WDTC1: variants seen among roughly 807,000 people sequenced by gnomAD.
The protein encoded by WDTC1 is WD and tetratricopeptide repeats 1, also known as WD and tetratricopeptide repeats protein 1.
A neutral mutation model predicts 76.0 loss-of-function variants in WDTC1; 12 were observed. The ratio of observed to expected loss-of-function variants is 0.16; its 90% CI spans 0.10 to 0.26. WDTC1 has a LOEUF of 0.26. Among genes scored for constraint, WDTC1 ranks in the 10% least tolerant of loss-of-function variants. The pLI is 1.00. For synonymous variants in WDTC1, 326 were observed against 350.8 expected (o/e 0.93, Z 0.79); for missense variants, 511 against 908.8 (o/e 0.56, Z 5.63).
upstream of WDTC1, chr1:27,234,496 T>A (rs941615543): frequency 3.0e-6 from 1 of 330,196 alleles, no homozygotes; most frequent in African/African-American, 2.1e-5. Context: ...GCAGCAGACG[T>A]TGACCGGGCG....
At chr1:27,284,596 T>A (rs750959792) in intron 5 of WDTC1, among the ~76,000 whole-genome samples, 45 of 152,270 alleles carry the variant, frequency 3.0e-4, no homozygotes, top group Non-Finnish European at 5.3e-4. Context: ...TTAGGTCCAA[T>A]TTTAGTCTGC....
In WDTC1 at chr1:27,287,931, C is replaced by T. The variant is rs1311395700; in HGVS notation, c.479+70C>T. The T allele has an allele frequency of 7.2e-6, 11 of 1,523,630 alleles. 1 individual carries two copies. In the Admixed American group the frequency reaches 1.4e-4, roughly 19 times the overall value. 94.4% of individuals were successfully genotyped at this position (1,523,630 alleles called of 1,614,324 possible). On this transcript the variant is annotated intron_variant, in intron 6 of 15. Coordinates refer to ENST00000319394, the MANE Select transcript of WDTC1 (RefSeq NM_001276252.2). ...CATCATCCTATAGTGTTTCCTTCTA[C>T]AGACCTAGCTCTTTCCCTCCAGCAG...
At chr1:27,295,851 G>A (rs149987803) in intron 9 of WDTC1, among the ~76,000 whole-genome samples, 5 of 151,914 alleles carry the variant, frequency 3.3e-5, no homozygotes, top group Non-Finnish European at 7.4e-5. Context: ...CTGCAGCCTC[G>A]ACATCCCAGG....
At chr1:27,269,835 C>T (rs1210267719) in intron 3 of WDTC1, among the ~76,000 whole-genome samples, 3 of 151,838 alleles carry the variant, frequency 2.0e-5, no homozygotes, top group South Asian at 2.1e-4. Context: ...TGGTCTTGAA[C>T]GCCTGACCTT....
In WDTC1 at chr1:27,305,852, G is replaced by C. The variant is rs1479838843; in HGVS notation, c.1837-334G>C. ...TGTGGCAACAAAACAGAATGGGGTG[G>C]GGAAGTTGTATCTGCCCCTTGTCCC... On this transcript the variant is annotated intron_variant, in intron 15 of 15. Coordinates refer to ENST00000319394, the MANE Select transcript of WDTC1 (RefSeq NM_001276252.2). This position sits in a 1 kb window ranked among gnomAD's most constrained non-coding sequence, Gnocchi z 4.6. Among the ~76,000 whole-genome samples the C allele has an allele frequency of 6.6e-6, 1 of 152,104 alleles. No individual in the cohort carries two copies. The highest frequency in any genetic ancestry group is 1.5e-5 in the Non-Finnish European group (1 of 68,014).
At chr1:27,264,453 A>T (rs1446112457) in intron 3 of WDTC1, among the ~76,000 whole-genome samples, 1 of 143,926 alleles carries the variant, frequency 6.9e-6, no homozygotes, top group Non-Finnish European at 1.5e-5. Context: ...TAAAATGTTT[A>T]AAAAAAAAAA....
chr1:27,297,139 G>A lies in WDTC1; in HGVS notation c.1041G>A (p.Glu347=). The change falls in exon 11 of 16, where the codon GAG becomes GAA. Residue 347 remains glutamate (E), a synonymous_variant. Coordinates refer to ENST00000319394, the MANE Select transcript of WDTC1 (RefSeq NM_001276252.2). ...HLHSNGFRLP[E]SRGHVSPQVE... ...ATAGCAATGGCTTCCGGCTGCCGGA[G>A]AGTAGGGGACATGTCAGGTGAGGCC... 1 of 1,609,960 alleles carries A rather than the reference G, an allele frequency of 6.2e-7. No individual in the cohort carries two copies. Among genetic ancestry groups the A allele is most frequent in the South Asian group, 1.1e-5 (1 of 90,700 alleles).
In WDTC1 at chr1:27,307,598, TCTCC is replaced by T. The variant is rs1265536568; in HGVS notation, c.*1220_*1223del. The T allele has an allele frequency of 6.6e-6, 1 of 152,384 alleles. No individual in the cohort carries two copies. The highest frequency in any genetic ancestry group is 2.4e-5 in the African/African-American group (1 of 41,212). The allele number at this position is 152,384 out of a possible 1,614,324, so 9.4% of individuals were successfully genotyped here. A position where few individuals can be genotyped will look rare whatever the true frequency, so the allele number is the denominator to read the frequency against. ...TGGGGAAAAGCAGCCTCCCTTCTCC[TCTCC>T]CTCCACTCCCTCGCTCCCTCCCTCA... On this transcript the variant is annotated 3_prime_UTR_variant, in exon 16 of 16. Coordinates refer to ENST00000319394, the MANE Select transcript of WDTC1 (RefSeq NM_001276252.2). The surrounding 1 kb of genome is among the most constrained non-coding windows in gnomAD (Gnocchi z 4.1).
Position 27,274,569 on chromosome 1 carries a change from A to G in WDTC1, c.133-7670A>G, listed in dbSNP as rs891435961. Among the ~76,000 whole-genome samples the G allele has an allele frequency of 1.3e-5, 2 of 152,224 alleles. No individual in the cohort carries two copies. Among genetic ancestry groups the G allele is most frequent in the African/African-American group, 2.4e-5 (1 of 41,464 alleles). ...TAAACAATTTAAATTTAAATTAATG[A>G]GGATTAATTTAAGCCGTTCTAGTAT... On this transcript the variant is annotated intron_variant, in intron 3 of 15. Transcript: ENST00000319394. This position sits in a 1 kb window ranked among gnomAD's most constrained non-coding sequence, Gnocchi z 4.2.
Position 27,274,645 on chromosome 1 carries a change from C to G in WDTC1, c.133-7594C>G, listed in dbSNP as rs1301294418. ...TCCTTGGACATTTTTGCTGAGCATT[C>G]CACATCCCTCTTTAGTTACATGTGC... is the stretch of plus-strand genomic sequence containing the variant. On this transcript the variant is annotated intron_variant, in intron 3 of 15. Coordinates refer to ENST00000319394, the MANE Select transcript of WDTC1 (RefSeq NM_001276252.2). The surrounding 1 kb of genome is among the most constrained non-coding windows in gnomAD (Gnocchi z 4.2). 1.3e-5 allele frequency among the ~76,000 whole-genome samples: 2 copies of G among 152,186 alleles called. No individual in the cohort carries two copies. The highest frequency in any genetic ancestry group is 4.8e-5 in the African/African-American group (2 of 41,440).
At chr1:27,287,530 G>T in intron 5 of WDTC1, 144 bp from the exon 6 acceptor site, 2 of 878,484 alleles carry the variant, frequency 2.3e-6, no homozygotes, top group Non-Finnish European at 3.4e-6. Context: ...GGGATTACAG[G>T]CATGAGCCAC....
At chr1:27,253,748 T>C (rs2012179283) in intron 1 of WDTC1, among the ~76,000 whole-genome samples, 1 of 152,152 alleles carries the variant, frequency 6.6e-6, no homozygotes, top group South Asian at 2.1e-4. Flanking sequence ...TTTTGCCTCT[T>C]AGCAGAACTG....
intron 1 of WDTC1, among the ~76,000 whole-genome samples, chr1:27,257,307 G>A (rs892891177): frequency 1.3e-5 from 2 of 152,192 alleles, no homozygotes; most frequent in East Asian, 3.8e-4. Flanking sequence ...TGAAGCGTAC[G>A]TAACCCCGTC....
At chr1:27,241,962 GCTCACTGCAGC>G (rs1405380820) in intron 1 of WDTC1, among the ~76,000 whole-genome samples, 1 of 151,656 alleles carries the variant, frequency 6.6e-6, no homozygotes, top group East Asian at 1.9e-4. Context: ...TGCAATCTTG[GCTCACTGCAGC>G]CTCAGGCTCC....
chr1:27,296,054 C>A (rs1250101551), intron 9 of WDTC1, among the ~76,000 whole-genome samples: 3 of 152,180 alleles, frequency 2.0e-5, no homozygotes, highest in African/African-American at 7.2e-5. Flanking sequence ...CAGGCTACGC[C>A]ACCATGCCCA....
chr1:27,248,866 C>G (rs2011940951), intron 1 of WDTC1, among the ~76,000 whole-genome samples: 1 of 151,904 alleles, frequency 6.6e-6, no homozygotes, highest in Admixed American at 6.6e-5. Flanking sequence ...CCATGTTTCC[C>G]AGCTGGTCCC....
rs772552249 is a variant in WDTC1 at position 27,279,255 on chromosome 1, C to T, written c.133-2984C>T. On this transcript the variant is annotated intron_variant, in intron 3 of 15. Transcript: ENST00000319394. ...AATTGTTAAAAGATTGAATTAAGGC[C>T]GGACACAGTGGCTCACGCATGTAAT... Among the ~76,000 whole-genome samples, 159 of 152,070 alleles carry T rather than the reference C, an allele frequency of 1.0e-3. 1 individual carries two copies. Among genetic ancestry groups the T allele is most frequent in the Non-Finnish European group, 1.3e-3 (87 of 68,002 alleles).
chr1:27,300,702 A>G (rs956802884), intron 12 of WDTC1, among the ~76,000 whole-genome samples: 1 of 151,684 alleles, frequency 6.6e-6, no homozygotes, highest in Non-Finnish European at 1.5e-5. Flanking sequence ...CAGCCAGGAC[A>G]GGGGGGGGTC....
At chr1:27,254,542 G>A (rs982494882) in intron 1 of WDTC1, among the ~76,000 whole-genome samples, 1 of 152,002 alleles carries the variant, frequency 6.6e-6, no homozygotes, top group African/African-American at 2.4e-5. Flanking sequence ...TGGTTCCAGT[G>A]AGCTATCGCG....
Sources: gnomAD v4.1 joint callset for allele counts (sites outside exome capture counted in the v4.1 genomes callset) on GRCh38, gnomAD v4.1.1 for gene constraint, Gnocchi (gnomAD v3.1) non-coding constraint, MANE v1.5 for transcripts, NCBI Gene and HGNC (gene_info 2026-07-23, HGNC 2026-07-21) for gene names.